The following HTR1E variants were observed in gnomAD, a reference collection of about 807,000 sequenced individuals.
HTR1E encodes 5-hydroxytryptamine receptor 1E.
HTR1E carries 3 observed loss-of-function variants against 3.4 expected under a neutral mutation model. That is an observed-to-expected ratio of 0.89 (90% CI 0.41 to 2.31). HTR1E has a LOEUF of 2.31. Ranked by LOEUF, HTR1E falls within the 30% of genes most tolerant of loss-of-function variation. HTR1E has a pLI of 0.05. For missense variants in HTR1E, 392 were observed against 467.0 expected (o/e 0.84, Z 1.48); for synonymous variants, 170 against 182.8 (o/e 0.93, Z 0.56).
At chr6:87,013,569 A>C (rs556436815) in intron 1 of HTR1E, among the ~76,000 whole-genome samples, 1 of 152,300 alleles carries the variant, frequency 6.6e-6, no homozygotes, top group East Asian at 1.9e-4. Context: ...AAAGTTTAAA[A>C]TCTGATTTGA....
At chr6:86,938,210 T>C (rs1287311183) in intron 1 of HTR1E, among the ~76,000 whole-genome samples, 1 of 151,998 alleles carries the variant, frequency 6.6e-6, no homozygotes, top group African/African-American at 2.4e-5. Flanking sequence ...GGTGGTGTGC[T>C]CCAGGGACCC....
intron 1 of HTR1E, among the ~76,000 whole-genome samples, chr6:86,976,736 T>A (rs535979792): frequency 1.7e-4 from 26 of 152,348 alleles, no homozygotes; most frequent in Non-Finnish European, 8.8e-5. Flanking sequence ...CTCAATCCCC[T>A]ACCAACGATC....
chr6:87,005,252 T>C (rs1768084165), intron 1 of HTR1E, among the ~76,000 whole-genome samples: 1 of 152,110 alleles, frequency 6.6e-6, no homozygotes, highest in South Asian at 2.1e-4. Flanking sequence ...AAAATTTACA[T>C]GGAACCACAA....
intron 1 of HTR1E, among the ~76,000 whole-genome samples, chr6:86,984,309 C>T (rs1767753029): frequency 6.6e-6 from 1 of 152,172 alleles, no homozygotes; most frequent in South Asian, 2.1e-4. Context: ...ATTCTACTCT[C>T]ATGTGGATGT....
chr6:86,981,111 C>CAAAGGAGTAATGGGTTG (rs1458306536), intron 1 of HTR1E, among the ~76,000 whole-genome samples: 27 of 152,198 alleles, frequency 1.8e-4, no homozygotes, highest in African/African-American at 6.3e-4. Flanking sequence ...AACTACTCTT[C>CAAAGGAGTAATGGGTTG]AAAGGAGTAA....
At chr6:86,964,442 A>T (rs2127820981) in intron 1 of HTR1E, among the ~76,000 whole-genome samples, 1 of 152,344 alleles carries the variant, frequency 6.6e-6, no homozygotes, top group Non-Finnish European at 1.5e-5. Context: ...CTGTGGCAAG[A>T]TGCTCTCAGT....
intron 1 of HTR1E, among the ~76,000 whole-genome samples, chr6:86,995,681 A>AG (rs1562070235): frequency 2.4e-4 from 15 of 63,542 alleles, no homozygotes; most frequent in Non-Finnish European, 6.1e-4. Flanking sequence ...AAAAAAAAAA[A>AG]AAAAAAGAAA....
At chr6:86,972,563 C>T (rs186666496) in intron 1 of HTR1E, among the ~76,000 whole-genome samples, 4 of 152,116 alleles carry the variant, frequency 2.6e-5, no homozygotes, top group African/African-American at 4.8e-5. Flanking sequence ...AGAAACAAAA[C>T]GATATATGTC....
At chr6:86,945,589 GA>G (rs1464361675) in intron 1 of HTR1E, among the ~76,000 whole-genome samples, 9 of 151,936 alleles carry the variant, frequency 5.9e-5, no homozygotes, top group Admixed American at 2.6e-4. Context: ...TTTAAAAATA[GA>G]AAAAAGTTTA....
intron 1 of HTR1E, among the ~76,000 whole-genome samples, chr6:86,948,217 T>A (rs1342816304): frequency 6.6e-6 from 1 of 152,200 alleles, no homozygotes; most frequent in Non-Finnish European, 1.5e-5. Context: ...ATGAACTCAT[T>A]CTTTTTTATG....
At chr6:86,964,186 C>T (rs1767443531) in intron 1 of HTR1E, among the ~76,000 whole-genome samples, 1 of 152,134 alleles carries the variant, frequency 6.6e-6, no homozygotes, top group East Asian at 1.9e-4. Context: ...GTGAAGAAAG[C>T]TCATATAGCC....
At chr6:86,996,850 G>C (rs1767946222) in intron 1 of HTR1E, among the ~76,000 whole-genome samples, 1 of 151,840 alleles carries the variant, frequency 6.6e-6, no homozygotes, top group African/African-American at 2.4e-5. Context: ...ATCTCTTGCA[G>C]AAAATAGAAA....
At chr6:87,003,298 G>T (rs1768051728) in intron 1 of HTR1E, among the ~76,000 whole-genome samples, 1 of 152,170 alleles carries the variant, frequency 6.6e-6, no homozygotes, top group African/African-American at 2.4e-5. Context: ...AGCACTTTGG[G>T]AGGCCAAGGC....
rs370564060 is a variant in HTR1E at position 87,015,473 on chromosome 6, A to G, written c.139A>G (p.Ile47Val). 6.2e-7 allele frequency: 1 copy of G among 1,613,852 alleles called. No individual in the cohort carries two copies. Among genetic ancestry groups the G allele is most frequent in the Non-Finnish European group, 8.5e-7 (1 of 1,179,976 alleles). Residue 47 changes from isoleucine to valine, a missense_variant, in exon 2 of 2, where the codon ATT (isoleucine) becomes GTT (valine). By Grantham distance (29) the Ile-to-Val change is conservative. Coordinates refer to ENST00000305344, the MANE Select transcript of HTR1E (RefSeq NM_000865.3). ...GCTGAACTTGGCTGTGATCATGGCT[A>G]TTGGCACCACCAAGAAGCTCCACCA... ...TLLNLAVIMA[I>V]GTTKKLHQPA...
intron 1 of HTR1E, among the ~76,000 whole-genome samples, chr6:86,997,946 A>T (rs1767967371): frequency 6.6e-6 from 1 of 152,002 alleles, no homozygotes; most frequent in Admixed American, 6.6e-5. Flanking sequence ...TGGAATGGCT[A>T]TATTAATATT....
chr6:86,993,253 C>T (rs1368180813), intron 1 of HTR1E, among the ~76,000 whole-genome samples: 4 of 148,916 alleles, frequency 2.7e-5, no homozygotes, highest in South Asian at 2.1e-4. Flanking sequence ...TAAAATTTTA[C>T]CAAAATAAAA....
intron 1 of HTR1E, among the ~76,000 whole-genome samples, chr6:86,964,671 G>A (rs769683370): frequency 6.6e-6 from 1 of 152,142 alleles, no homozygotes; most frequent in Non-Finnish European, 1.5e-5. Flanking sequence ...ATAAGTTACA[G>A]TTTGAACAAA....
intron 1 of HTR1E, among the ~76,000 whole-genome samples, chr6:87,008,400 A>G (rs868100335): frequency 2.0e-5 from 3 of 152,336 alleles, no homozygotes; most frequent in Middle Eastern, 3.4e-3. Flanking sequence ...AAATAATAAA[A>G]AAAAGAAGAA....
intron 1 of HTR1E, among the ~76,000 whole-genome samples, chr6:86,977,069 C>G (rs1285024854): frequency 6.6e-6 from 1 of 151,840 alleles, no homozygotes; most frequent in Non-Finnish European, 1.5e-5. Context: ...CTTTTTTTCC[C>G]TCTTAACTTT....
Sources: allele counts gnomAD v4.1 joint callset (sites outside exome capture counted in the v4.1 genomes callset), GRCh38; gene constraint gnomAD v4.1.1; transcripts MANE v1.5; gene names NCBI Gene and HGNC (gene_info 2026-07-23, HGNC 2026-07-21).